RCOR2: variants seen among roughly 807,000 people sequenced by gnomAD.
The protein encoded by RCOR2 is REST corepressor 2.
RCOR2 carries 19 observed loss-of-function variants against 58.9 expected under a neutral mutation model. That is an observed-to-expected ratio of 0.32 (90% confidence interval 0.23 to 0.47). The LOEUF (loss-of-function observed/expected upper bound fraction) is 0.47. Ranked by LOEUF, RCOR2 falls within the 20% of genes least tolerant of loss-of-function variation. The pLI, the probability that RCOR2 is intolerant of heterozygous loss-of-function variation, is 1.00. For missense variants in RCOR2, 590 were observed against 707.9 expected (o/e 0.83, Z 1.89); for synonymous variants, 286 against 278.7 (o/e 1.03, Z -0.26).
rs548233693 is a variant in RCOR2 at position 63,912,145 on chromosome 11, C to T, written c.1292G>A (p.Arg431Gln). Residue 431 changes from arginine (R) to glutamine (Q), a missense_variant, in exon 12 of 12, where the codon CGA becomes CAA. Physicochemically the swap from Arg to Gln is conservative, Grantham distance 43. Around this residue, in one of 3 missense-constraint regions of RCOR2, gnomAD observed 196 missense variants for 210.7 expected, o/e 0.93. Transcript: ENST00000301459. ...QITSVSTSVP[R>Q]SVPPAPPPPP... ...GGGTGGTGGCGCAGGGGGCACTGAT[C>T]GGGGCACGGACGTGGAGACCGATGT... 270 of 1,527,546 alleles carry T rather than the reference C, an allele frequency of 1.8e-4. No individual in the cohort carries two copies. The highest frequency in any genetic ancestry group is 2.1e-4 in the Non-Finnish European group (236 of 1,142,810). 94.6% of individuals were successfully genotyped at this position (1,527,546 alleles called of 1,614,324 possible). A position where few individuals can be genotyped will look rare whatever the true frequency, so the allele number is the denominator to read the frequency against.
upstream of RCOR2, among the ~76,000 whole-genome samples, chr11:63,920,105 T>C (rs995233106): frequency 1.3e-5 from 2 of 152,246 alleles, no homozygotes; most frequent in African/African-American, 4.8e-5. Flanking sequence ...TTTCCTTGCC[T>C]GTCTCTGGCT....
At chr11:63,913,930 C>A (rs1565160693) in intron 8 of RCOR2, 24 bp downstream of exon 8, 1 of 1,609,186 alleles carries the variant, frequency 6.2e-7, no homozygotes, top group East Asian at 2.2e-5. Flanking sequence ...CTTTGCATAG[C>A]CCGTTCATTT....
At chr11:63,922,804 A>G in the RCOR2 span, among the ~76,000 whole-genome samples, 1 of 152,106 alleles carries the variant, frequency 6.6e-6, no homozygotes, top group Non-Finnish European at 1.5e-5. Flanking sequence ...GTGGCTCACC[A>G]TTCTCTGAGC....
At chr11:63,914,562 A>T (rs760014488) in intron 5 of RCOR2, 21 bp from the exon 6 acceptor site, 1 of 1,613,380 alleles carries the variant, frequency 6.2e-7, no homozygotes, top group Non-Finnish European at 8.5e-7. Context: ...CAACGCCAGA[A>T]GCTGGGGACC....
At chr11:63,915,314 C>G in intron 2 of RCOR2, 56 bp from the exon 3 acceptor site, 1 of 1,483,364 alleles carries the variant, frequency 6.7e-7, no homozygotes, top group Admixed American at 2.0e-5. Flanking sequence ...TGGCACAAGC[C>G]TAGACCCATG....
rs200852972 is a variant in RCOR2, at chr11:63,912,343, C to T, written c.1219G>A (p.Ala407Thr). The change falls in exon 11 of 12, where the codon GCT (alanine) becomes ACT (threonine). Residue 407 changes from alanine (A) to threonine (T), a missense_variant. Around this residue, in one of 3 missense-constraint regions of RCOR2, gnomAD observed 196 missense variants for 210.7 expected, o/e 0.93. Transcript: ENST00000301459. ...PVPMEEARRG[A>T]PLPAPALEED... ...TCTAGGGCTGGGGCTGGCAATGGAG[C>T]CCCTCTCCTAGCCTCCTCCATGGGG... is the stretch of plus-strand genomic sequence containing the variant. The T allele has an allele frequency of 1.9e-6, 3 of 1,613,500 alleles. No homozygotes were observed. The highest frequency in any genetic ancestry group is 1.3e-5 in the African/African-American group (1 of 74,960).
In RCOR2 at chr11:63,912,533, G is replaced by A; in HGVS notation, c.1029C>T (p.Ala343=). The A allele has an allele frequency of 6.2e-7, 1 of 1,612,420 alleles. No individual in the cohort carries two copies. The highest frequency in any genetic ancestry group is 8.5e-7 in the Non-Finnish European group (1 of 1,178,596). ...TTDEQLLAVQ[A]IRRYGKDFGA... ...CAAAGTCTTTGCCATACCTACGGAT[G>A]GCTGCAAGGGTCAAAAGGGCAGCAG... is the stretch of plus-strand genomic sequence containing the variant. Residue 343 remains alanine, a splice_region_variant and synonymous_variant, in exon 11 of 12, where the codon GCC becomes GCT. Coordinates refer to ENST00000301459, the MANE Select transcript of RCOR2 (RefSeq NM_173587.4).
chr11:63,925,599 C>T, the RCOR2 span, among the ~76,000 whole-genome samples: 1 of 151,468 alleles, frequency 6.6e-6, no homozygotes, highest in Non-Finnish European at 1.5e-5. Context: ...GGGTGAATCG[C>T]TTGAAACTAG....
rs753169964 is a variant in RCOR2 at position 63,916,314 on chromosome 11, A to T, written c.127+16T>A. 2.6e-5 allele frequency: 42 copies of T among 1,595,222 alleles called. No individual in the cohort carries two copies. Among genetic ancestry groups the T allele is most frequent in the Non-Finnish European group, 1.0e-5 (12 of 1,172,766 alleles). On this transcript the variant is annotated intron_variant, in intron 1 of 11. Transcript: ENST00000301459. ...CCCAGGCCGGCGCGCCTTTAACCCT[A>T]GGCCACCGGGCTCACCGTGCGAGTG...
At position 63,912,476 on chromosome 11, in the gene RCOR2, A is replaced by C. The variant is rs1941783450; in HGVS notation, c.1086T>G (p.Thr362=). ...GAIAEVIGNK[T]LTQVKTFFVS... is the part of the protein sequence containing the mutation. The stretch of plus-strand genomic sequence containing the variant: ...CAAAGAAAGTCTTCACCTGGGTCAG[A>C]GTCTTGTTCCCAATCACCTCTGCAA... Residue 362 remains threonine, a synonymous_variant, in exon 11 of 12, where the codon ACT becomes ACG. Coordinates refer to ENST00000301459, the MANE Select transcript of RCOR2 (RefSeq NM_173587.4). The C allele has an allele frequency of 6.2e-7, 1 of 1,613,890 alleles. No individual in the cohort carries two copies. Among genetic ancestry groups the C allele is most frequent in the Non-Finnish European group, 8.5e-7 (1 of 1,179,998 alleles).
At chr11:63,913,409 C>T (rs1439892551) in intron 8 of RCOR2, among the ~76,000 whole-genome samples, 4 of 150,832 alleles carry the variant, frequency 2.7e-5, no homozygotes, top group Admixed American at 6.6e-5. Flanking sequence ...AGGCTGGTCT[C>T]GAACTCCCGA....
rs200765894 is a variant in RCOR2 at position 63,915,652 on chromosome 11, C to T, written c.128-41G>A. On this transcript the variant is annotated intron_variant, in intron 1 of 11. Coordinates refer to ENST00000301459, the MANE Select transcript of RCOR2 (RefSeq NM_173587.4). ...GAGGCAGTCAGGACTCCAGGGAGGG[C>T]GGGCGGGAGGGAGGATGTGGCGGGC... is the stretch of plus-strand genomic sequence containing the variant. The T allele has an allele frequency of 0.01, 286 of 28,058 alleles. 1 individual carries two copies. In the African/African-American group the frequency reaches 0.29, roughly 29 times the overall value. 1.7% of individuals were successfully genotyped at this position (28,058 alleles called of 1,614,324 possible).
chr11:63,922,554 T>C, the RCOR2 span, among the ~76,000 whole-genome samples: 1 of 152,180 alleles, frequency 6.6e-6, no homozygotes, highest in East Asian at 1.9e-4. Context: ...GGTTTTGCCA[T>C]TTTGGCCAGG....
Position 63,915,227 on chromosome 11 carries a change from C to G in RCOR2, c.216G>C (p.Leu72=), listed in dbSNP as rs1444835209. The G allele has an allele frequency of 6.4e-6, 10 of 1,551,466 alleles. No homozygotes were observed. The highest frequency in any genetic ancestry group is 5.9e-5 in the Admixed American group (3 of 51,018). The change falls in exon 3 of 12, where the codon CTG becomes CTC. Residue 72 remains leucine (L), a synonymous_variant. Transcript: ENST00000301459. ...ESPARYSNKE[L]KGMLVWSPNH... is the part of the protein sequence containing the mutation. ...TGGGTGACCACACCAGCATCCCCTT[C>G]AGCTCCTTGTTGCTGTAGCGTGCGG...
upstream of RCOR2, among the ~76,000 whole-genome samples, chr11:63,917,777 G>A (rs1023182207): frequency 6.6e-6 from 1 of 152,176 alleles, no homozygotes; most frequent in East Asian, 1.9e-4. Context: ...AAGGGCTGAG[G>A]GATGGGGAGT....
upstream of RCOR2, among the ~76,000 whole-genome samples, chr11:63,919,486 C>G (rs1333479308): frequency 1.3e-5 from 2 of 152,168 alleles, no homozygotes; most frequent in African/African-American, 2.4e-5. Flanking sequence ...CGCGGTTATC[C>G]CAGATCCCAC....
chr11:63,911,543 A>G lies in RCOR2; in HGVS notation c.*322T>C, dbSNP rs891733880. On this transcript the variant is annotated 3_prime_UTR_variant, in exon 12 of 12. Transcript: ENST00000301459. ...CCTCTCCCCACTCCACGCTAAGGTCACTACCCCGGACACACAAAGGGCAGG... is the reference window on the plus strand; with the variant it reads ...CCTCTCCCCACTCCACGCTAAGGTCGCTACCCCGGACACACAAAGGGCAGG... The G allele has an allele frequency of 4.3e-6, 1 of 231,280 alleles. No homozygotes were observed. Among genetic ancestry groups the G allele is most frequent in the Non-Finnish European group, 8.3e-6 (1 of 120,630 alleles). The allele number at this position is 231,280 out of a possible 1,614,324, so 14.3% of individuals were successfully genotyped here. A position where few individuals can be genotyped will look rare whatever the true frequency, so the allele number is the denominator to read the frequency against.
the RCOR2 span, among the ~76,000 whole-genome samples, chr11:63,926,489 C>CTTTTTTTT: frequency 9.7e-4 from 134 of 137,770 alleles, no homozygotes; most frequent in African/African-American, 2.4e-3. Context: ...CTCTCTCTCT[C>CTTTTTTTT]TTTTTTTTTT....
At chr11:63,924,597 C>T in the RCOR2 span, among the ~76,000 whole-genome samples, 2 of 152,176 alleles carry the variant, frequency 1.3e-5, no homozygotes, top group African/African-American at 4.8e-5. Flanking sequence ...TTGTGAAGTC[C>T]CTTCTCCCAC....
Sources: gnomAD v4.1 joint callset for allele counts (sites outside exome capture counted in the v4.1 genomes callset) on GRCh38, gnomAD v4.1.1 for gene constraint, gnomAD v4.1.1 regional missense constraint, MANE v1.5 for transcripts, NCBI Gene and HGNC (gene_info 2026-07-23, HGNC 2026-07-21) for gene names.